TFB2M: variants seen among roughly 807,000 people sequenced by gnomAD.
The protein encoded by TFB2M is dimethyladenosine transferase 2, mitochondrial.
In TFB2M, 44 loss-of-function variants were observed where a neutral mutation model predicts 41.3. That is an observed-to-expected ratio of 1.07 (90% confidence interval 0.84 to 1.37). The LOEUF (loss-of-function observed/expected upper bound fraction) is 1.37, where lower values mean the gene tolerates loss of function less well. TFB2M is among the 40% of genes most tolerant of loss of function. The pLI is 0.00. For synonymous variants in TFB2M, 188 were observed against 176.8 expected (o/e 1.06, Z -0.50); for missense variants, 496 against 490.2 (o/e 1.01, Z -0.11).
intron 3 of TFB2M, 138 bp downstream of exon 3, chr1:246,557,243 A>T: frequency 1.0e-6 from 1 of 992,152 alleles, no homozygotes. Context: ...ACTGCACTCC[A>T]GCCTGGGTGA....
chr1:246,549,793 A>G (rs941948631), intron 5 of TFB2M, among the ~76,000 whole-genome samples: 2 of 152,218 alleles, frequency 1.3e-5, no homozygotes, highest in Admixed American at 6.5e-5. Flanking sequence ...GCTAAAACAT[A>G]TAATTGTGGC....
rs952210280 is a variant in TFB2M, at chr1:246,559,498, G to A, written c.403-1964C>T. Among the ~76,000 whole-genome samples the A allele has an allele frequency of 4.6e-5, 7 of 152,276 alleles. No homozygotes were observed. The South Asian group carries it at 8.3e-4, about 18-fold the overall frequency. ...CAGGAGGCAGGGGTTGCAGAGAGCT[G>A]AGATTGCACCACTGCACTCTAGTCA... On this transcript the variant is annotated intron_variant, in intron 2 of 7. Coordinates refer to ENST00000366514, the MANE Select transcript of TFB2M (RefSeq NM_022366.3).
At chr1:246,546,983 A>ACAC (rs764498048) in intron 6 of TFB2M, among the ~76,000 whole-genome samples, 2,313 of 127,148 alleles carry the variant, frequency 0.018, 46 homozygotes, top group Middle Eastern at 0.037. Flanking sequence ...ACACACACAC[A>ACAC]TTTTTTTTTT....
intron 4 of TFB2M, among the ~76,000 whole-genome samples, chr1:246,551,822 A>C (rs150297524): frequency 7.2e-4 from 110 of 152,370 alleles, no homozygotes; most frequent in African/African-American, 2.6e-3. Context: ...GGGCCAGTGG[A>C]ATATAACCCT....
chr1:246,558,766 T>C (rs1243299611), intron 2 of TFB2M, among the ~76,000 whole-genome samples: 2 of 152,256 alleles, frequency 1.3e-5, no homozygotes. Context: ...TTACTTTTTC[T>C]AAAGACAGAA....
At chr1:246,565,634 C>T (rs1659626803) in intron 1 of TFB2M, among the ~76,000 whole-genome samples, 192 bp downstream of exon 1, 1 of 152,206 alleles carries the variant, frequency 6.6e-6, no homozygotes, top group Non-Finnish European at 1.5e-5. Flanking sequence ...ATCGCCTGAA[C>T]CCGGTACGCG....
At chr1:246,545,825 A>AAG (rs1176354971) in intron 6 of TFB2M, among the ~76,000 whole-genome samples, 1 of 150,778 alleles carries the variant, frequency 6.6e-6, no homozygotes, top group East Asian at 2.0e-4. Flanking sequence ...AAAAAAAAAA[A>AAG]AAAAAAAAAG....
intron 2 of TFB2M, among the ~76,000 whole-genome samples, chr1:246,558,094 T>C (rs1659371014): frequency 1.3e-5 from 2 of 151,384 alleles, no homozygotes; most frequent in South Asian, 4.1e-4. Context: ...AAAAGTACAA[T>C]ATTACCAAGA....
rs927219947 is a variant in TFB2M, at chr1:246,561,893, CT to C, written c.402+2452del. 1.4e-3 allele frequency among the ~76,000 whole-genome samples: 215 copies of C among 149,678 alleles called. 1 individual carries two copies. Among genetic ancestry groups the C allele is most frequent in the African/African-American group, 4.3e-3 (176 of 40,834 alleles). ...ATGTAGATTAACCTTTAAATATAGG[CT>C]TTTTTTTTTCCTCAAATCAGGATAA... On this transcript the variant is annotated intron_variant, in intron 2 of 7. Transcript: ENST00000366514.
At chr1:246,548,461 C>G in intron 6 of TFB2M, 84 bp downstream of exon 6, 1 of 1,150,040 alleles carries the variant, frequency 8.7e-7, no homozygotes, top group Non-Finnish European at 1.2e-6. Flanking sequence ...AAGTTAAATA[C>G]AGACTACCAA....
At chr1:246,558,143 T>G (rs893940496) in intron 2 of TFB2M, among the ~76,000 whole-genome samples, 27 of 139,070 alleles carry the variant, frequency 1.9e-4, no homozygotes, top group Non-Finnish European at 4.0e-4. Context: ...CATAAATTTT[T>G]CTTTATCTGT....
At chr1:246,551,102 T>C (rs1659165767) in intron 5 of TFB2M, 111 bp downstream of exon 5, 2 of 767,710 alleles carry the variant, frequency 2.6e-6, no homozygotes, top group Non-Finnish European at 4.5e-6. Context: ...TTGAGTCCAG[T>C]AGTTCAAGGC....
intron 4 of TFB2M, 124 bp from the exon 5 acceptor site, chr1:246,551,426 G>A (rs9426201): frequency 0.69 from 481,635 of 699,710 alleles, 170,324 homozygotes; most frequent in Non-Finnish European, 0.74. Flanking sequence ...ACTAGAATTA[G>A]ATGCAAAAAG....
At chr1:246,542,216 C>T (rs951262877) in intron 7 of TFB2M, among the ~76,000 whole-genome samples, 3 of 151,070 alleles carry the variant, frequency 2.0e-5, no homozygotes, top group South Asian at 2.1e-4. Context: ...CGAGGTATAA[C>T]GAACACGCCT....
chr1:246,540,632 T>C lies in TFB2M; in HGVS notation c.*399A>G, dbSNP rs1408699577. 2 of 161,578 alleles carry C rather than the reference T, an allele frequency of 1.2e-5. No homozygotes were observed. The highest frequency in any genetic ancestry group is 4.8e-5 in the African/African-American group (2 of 41,688). The allele number at this position is 161,578 out of a possible 1,614,324, so 10.0% of individuals were successfully genotyped here. A position where few individuals can be genotyped will look rare whatever the true frequency, so the allele number is the denominator to read the frequency against. On this transcript the variant is annotated 3_prime_UTR_variant, in exon 8 of 8. Coordinates refer to ENST00000366514, the MANE Select transcript of TFB2M (RefSeq NM_022366.3). ...AAATTTAAACAATTTCATTGTACAGTACTTGACAATACATTTCAACAAACT... is the reference window on the plus strand; with the variant it reads ...AAATTTAAACAATTTCATTGTACAGCACTTGACAATACATTTCAACAAACT...
rs985243420 is a variant in TFB2M at position 246,540,865 on chromosome 1, T to TAG, written c.*165_*166insCT. 16 of 525,048 alleles carry TAG rather than the reference T, an allele frequency of 3.0e-5. No individual in the cohort carries two copies. In the African/African-American group the frequency reaches 3.1e-4, roughly 10 times the overall value. The allele number at this position is 525,048 out of a possible 1,614,324, so 32.5% of individuals were successfully genotyped here. A position where few individuals can be genotyped will look rare whatever the true frequency, so the allele number is the denominator to read the frequency against. The stretch of plus-strand genomic sequence containing the variant: ...TTGTGAATAAAATAGCAGACACTGT[T>TAG]TCATCCAATAAGCCAATGATATCAG... On this transcript the variant is annotated 3_prime_UTR_variant, in exon 8 of 8. Transcript: ENST00000366514.
chr1:246,548,506 C>T (rs766273689), intron 6 of TFB2M, 39 bp downstream of exon 6: 34 of 1,548,474 alleles, frequency 2.2e-5, no homozygotes, highest in Admixed American at 1.5e-4. Flanking sequence ...AAATACGTCA[C>T]GTAGGGAGAA....
At chr1:246,552,891 AAGTGAGAC>A (rs1425637908) in intron 4 of TFB2M, among the ~76,000 whole-genome samples, 1 of 151,480 alleles carries the variant, frequency 6.6e-6, no homozygotes, top group Non-Finnish European at 1.5e-5. Context: ...CTGGGCAACA[AAGTGAGAC>A]ACTGTCTCTA....
At chr1:246,559,833 G>T (rs1389366241) in intron 2 of TFB2M, among the ~76,000 whole-genome samples, 3 of 152,180 alleles carry the variant, frequency 2.0e-5, no homozygotes, top group African/African-American at 7.2e-5. Flanking sequence ...AGAAACAGAG[G>T]ACTAGCCCTG....
Sources: gnomAD v4.1 joint callset for allele counts (sites outside exome capture counted in the v4.1 genomes callset) on GRCh38, gnomAD v4.1.1 for gene constraint, MANE v1.5 for transcripts, NCBI Gene and HGNC (gene_info 2026-07-23, HGNC 2026-07-21) for gene names.